PARN: variants seen among roughly 807,000 people sequenced by gnomAD.
PARN encodes the protein poly(A)-specific ribonuclease.
In PARN, 71 loss-of-function variants were observed where a neutral mutation model predicts 102.8. The ratio of observed to expected loss-of-function variants is 0.69; its 90% CI spans 0.57 to 0.84. PARN has a LOEUF of 0.84. Among genes scored for constraint, PARN ranks in the 40% least tolerant of loss-of-function variants. The pLI, the probability that PARN is intolerant of heterozygous loss-of-function variation, is 0.00. For missense variants in PARN, 782 were observed against 760.9 expected (o/e 1.03, Z -0.33); for synonymous variants, 261 against 252.9 (o/e 1.03, Z -0.30).
intron 6 of PARN, among the ~76,000 whole-genome samples, chr16:14,612,042 G>A (rs573315407): frequency 2.0e-5 from 3 of 152,196 alleles, no homozygotes; most frequent in South Asian, 2.1e-4. Flanking sequence ...TAACCCTGGT[G>A]TAGAGATGGC....
At position 14,446,927 on chromosome 16, in the gene PARN, T is replaced by G. The variant is rs770036450; in HGVS notation, c.1825A>C (p.Lys609Gln). 1.2e-6 allele frequency: 2 copies of G among 1,613,396 alleles called. No homozygotes were observed. The highest frequency in any genetic ancestry group is 1.7e-6 in the Non-Finnish European group (2 of 1,179,700). ...TCCTTCTTCATTCTTTTTAATTTCTTGGCCTTTTTCCTTCCCTCTGAGAGG... is the reference window on the plus strand; with the variant it reads ...TCCTTCTTCATTCTTTTTAATTTCTGGGCCTTTTTCCTTCCCTCTGAGAGG... The part of the protein sequence containing the change: ...EPLSEGRKKA[K>Q]KLKRMKKELS... The change falls in exon 23 of 24, where the codon AAG (lysine) becomes CAG (glutamine). Residue 609 changes from lysine to glutamine, a missense_variant. Lys to Gln is a moderately conservative substitution (Grantham distance 53). Coordinates refer to ENST00000437198, the MANE Select transcript of PARN (RefSeq NM_002582.4).
intron 6 of PARN, among the ~76,000 whole-genome samples, chr16:14,617,206 A>T (rs1971967872): frequency 6.6e-6 from 1 of 151,424 alleles, no homozygotes; most frequent in African/African-American, 2.4e-5. Flanking sequence ...AACACGGTGA[A>T]ACCCTGTCTC....
In PARN at chr16:14,615,051, A is replaced by G. The variant is rs147613197; in HGVS notation, c.388+2539T>C. On this transcript the variant is annotated intron_variant, in intron 6 of 23. Coordinates refer to ENST00000437198, the MANE Select transcript of PARN (RefSeq NM_002582.4). ...TGGTTTCCCTCCAGACAAGGAAATCAAAAGGAACTTGAGAGAAGACTGCCG... is the reference window on the plus strand; with the variant it reads ...TGGTTTCCCTCCAGACAAGGAAATCGAAAGGAACTTGAGAGAAGACTGCCG... Among the ~76,000 whole-genome samples the G allele has an allele frequency of 5.0e-3, 766 of 152,078 alleles. 12 individuals carry two copies. The highest frequency in any genetic ancestry group is 4.5e-3 in the Admixed American group (68 of 15,254).
At chr16:14,597,275 CATAAACT>C (rs1277870434) in intron 12 of PARN, among the ~76,000 whole-genome samples, 2 of 152,158 alleles carry the variant, frequency 1.3e-5, no homozygotes, top group Non-Finnish European at 1.5e-5. Context: ...CCAAGATATT[CATAAACT>C]ATAAAGTTAA....
At chr16:14,485,832 C>G (rs910464665) in intron 21 of PARN, among the ~76,000 whole-genome samples, 1 of 152,090 alleles carries the variant, frequency 6.6e-6, no homozygotes, top group Admixed American at 6.5e-5. Context: ...AAACTATAGG[C>G]GTGCGCCACG....
chr16:14,523,397 C>T (rs181234486), intron 21 of PARN, among the ~76,000 whole-genome samples: 36 of 152,234 alleles, frequency 2.4e-4, no homozygotes, highest in Admixed American at 2.2e-3. Context: ...TTCAAACAAA[C>T]GTGGCACATT....
At chr16:14,607,397 G>A (rs554183315) in intron 9 of PARN, among the ~76,000 whole-genome samples, 98 of 151,974 alleles carry the variant, frequency 6.4e-4, no homozygotes, top group Admixed American at 1.5e-3. Context: ...TAGTAGAGAC[G>A]GGGTTTCACC....
intron 21 of PARN, among the ~76,000 whole-genome samples, chr16:14,530,054 C>T (rs529778427): frequency 2.0e-5 from 3 of 152,210 alleles, no homozygotes; most frequent in Admixed American, 6.5e-5. Flanking sequence ...TGTCAAATGG[C>T]CCTTGGGTGT....
At chr16:14,524,618 A>C (rs903126054) in intron 21 of PARN, among the ~76,000 whole-genome samples, 1 of 152,248 alleles carries the variant, frequency 6.6e-6, no homozygotes, top group East Asian at 1.9e-4. Flanking sequence ...ACATTTACTT[A>C]AAATATGTTA....
intron 18 of PARN, among the ~76,000 whole-genome samples, chr16:14,560,108 G>A (rs1159813582): frequency 6.6e-6 from 1 of 152,154 alleles, no homozygotes; most frequent in Non-Finnish European, 1.5e-5. Context: ...CTGACTCCCT[G>A]GAATGATTTG....
At chr16:14,558,582 T>C (rs1370096104) in intron 18 of PARN, 4 of 152,162 alleles carry the variant, frequency 2.6e-5, no homozygotes, top group Non-Finnish European at 5.9e-5. Flanking sequence ...TGTTCACTGC[T>C]ATACCATCAA....
chr16:14,591,334 T>C (rs1052875350), intron 13 of PARN, among the ~76,000 whole-genome samples: 1 of 150,332 alleles, frequency 6.7e-6, no homozygotes, highest in Non-Finnish European at 1.5e-5. Flanking sequence ...GAGGTTGCAG[T>C]GAGCCGAGAT....
At chr16:14,444,944 G>A (rs1961128896) in intron 23 of PARN, among the ~76,000 whole-genome samples, 1 of 151,064 alleles carries the variant, frequency 6.6e-6, no homozygotes, top group South Asian at 2.1e-4. Flanking sequence ...TCAGCCTCCT[G>A]AGTACCTGGG....
Position 14,606,473 on chromosome 16 carries a change from C to A in PARN, c.702+11G>T, listed in dbSNP as rs1332524759. On this transcript the variant is annotated intron_variant, in intron 10 of 23. Transcript: ENST00000437198. Reference sequence around the variant, plus strand: ...TGTTTAATGTTAGCCCTAGATAATTCTTGGGGTTACCTTTTCAGTTTCTAA... The same window carrying A: ...TGTTTAATGTTAGCCCTAGATAATTATTGGGGTTACCTTTTCAGTTTCTAA... The A allele has an allele frequency of 6.5e-7, 1 of 1,527,260 alleles. No individual in the cohort carries two copies. 94.6% of individuals were successfully genotyped at this position (1,527,260 alleles called of 1,614,324 possible).
At chr16:14,614,846 C>CAAAAA (rs57502376) in intron 6 of PARN, among the ~76,000 whole-genome samples, 582 of 37,776 alleles carry the variant, frequency 0.015, 11 homozygotes, top group East Asian at 0.021. Context: ...GAAACTGTCT[C>CAAAAA]AAAAAAAAAA....
intron 21 of PARN, among the ~76,000 whole-genome samples, chr16:14,528,291 A>G (rs1025183883): frequency 6.6e-6 from 1 of 152,218 alleles, no homozygotes; most frequent in Non-Finnish European, 1.5e-5. Flanking sequence ...AAGAGGCTCC[A>G]AAGGAGACCC....
At chr16:14,515,098 T>A (rs1363363664) in intron 21 of PARN, among the ~76,000 whole-genome samples, 1 of 152,198 alleles carries the variant, frequency 6.6e-6, no homozygotes, top group Non-Finnish European at 1.5e-5. Flanking sequence ...CTGTGCTGGT[T>A]ACTCATTTCT....
intron 21 of PARN, among the ~76,000 whole-genome samples, chr16:14,522,811 G>T (rs1017766666): frequency 2.6e-5 from 4 of 152,162 alleles, no homozygotes; most frequent in Admixed American, 6.5e-5. Flanking sequence ...ATGGCCTGGG[G>T]TGGGGAGAGA....
chr16:14,508,369 C>T (rs1381824786), intron 21 of PARN, among the ~76,000 whole-genome samples: 2 of 151,846 alleles, frequency 1.3e-5, no homozygotes, highest in African/African-American at 4.8e-5. Flanking sequence ...CTCATCTCTA[C>T]ACCATAAAAA....
Sources: gnomAD v4.1 joint callset for allele counts (sites outside exome capture counted in the v4.1 genomes callset) on GRCh38, gnomAD v4.1.1 for gene constraint, MANE v1.5 for transcripts, NCBI Gene and HGNC (gene_info 2026-07-23, HGNC 2026-07-21) for gene names.